The following SLIT3 variants were observed in gnomAD, a reference collection of about 807,000 sequenced individuals.
SLIT3 encodes the protein slit homolog 3 protein.
In SLIT3, 68 loss-of-function variants were observed where a neutral mutation model predicts 184.0. The ratio of observed to expected loss-of-function variants is 0.37; its 90% confidence interval spans 0.30 to 0.45. The LOEUF is 0.45. Ranked by LOEUF, SLIT3 falls within the 20% of genes least tolerant of loss-of-function variation. The probability of loss-of-function intolerance (pLI) is 1.00; values close to 1 mark genes in which losing one functional copy is unlikely to be tolerated. For missense variants in SLIT3, 1,707 were observed against 2,026.0 expected, an observed-to-expected ratio of 0.84 and a Z score of 3.02; for synonymous variants, 831 against 828.6, an observed-to-expected ratio of 1.00 and a Z score of -0.05.
intron 5 of SLIT3, among the ~76,000 whole-genome samples, chr5:168,874,635 A>G (rs1489424635): frequency 2.6e-5 from 4 of 152,224 alleles, no homozygotes; most frequent in Non-Finnish European, 4.4e-5. Context: ...ATCTTGGCCT[A>G]GAAGAAATTC....
chr5:169,236,668 C>T lies in SLIT3; in HGVS notation c.341+8037G>A, dbSNP rs540275266. On this transcript the variant is annotated intron_variant, in intron 3 of 35. Transcript: ENST00000519560. ...TGTATTTTTAGTAGAGACGGGTTTT[C>T]GCCATGTTAGCCAGGATGGTCTCAA... 1.4e-4 allele frequency among the ~76,000 whole-genome samples: 22 copies of T among 152,058 alleles called. No homozygotes were observed. In the East Asian group the frequency reaches 2.9e-3, roughly 20 times the overall value.
At position 169,185,837 on chromosome 5, in the gene SLIT3, A is replaced by C. The variant is rs1400035268; in HGVS notation, c.413+7642T>G. On this transcript the variant is annotated intron_variant, in intron 4 of 35. Transcript: ENST00000519560. ...CTTTAGTTAGTAACTTCTCCAAAGT[A>C]CAGTACAGGAATCACGGTTAGGAAT... Among the ~76,000 whole-genome samples, 3 of 152,316 alleles carry C rather than the reference A, an allele frequency of 2.0e-5. No homozygotes were observed. In the East Asian group the frequency reaches 5.8e-4, roughly 29 times the overall value.
chr5:168,861,263 C>T (rs1190215718), intron 5 of SLIT3, among the ~76,000 whole-genome samples: 1 of 152,030 alleles, frequency 6.6e-6, no homozygotes, highest in East Asian at 1.9e-4. Flanking sequence ...CCCATCCCCC[C>T]ATCCCACGAC....
At chr5:168,991,521 T>C (rs1755327890) in intron 4 of SLIT3, among the ~76,000 whole-genome samples, 1 of 152,178 alleles carries the variant, frequency 6.6e-6, no homozygotes, top group South Asian at 2.1e-4. Flanking sequence ...AAACAGTGGC[T>C]TCCCATGTTG....
chr5:168,895,656 C>T (rs891325638), intron 4 of SLIT3, among the ~76,000 whole-genome samples: 12 of 152,162 alleles, frequency 7.9e-5, no homozygotes, highest in African/African-American at 1.9e-4. Flanking sequence ...TATAGAATGA[C>T]GTTTCTCATC....
At chr5:168,970,510 A>AC (rs917064776) in intron 4 of SLIT3, among the ~76,000 whole-genome samples, 6 of 151,776 alleles carry the variant, frequency 4.0e-5, no homozygotes, top group African/African-American at 9.6e-5. Context: ...AAAAAAAAAA[A>AC]AAAAACAAAG....
chr5:169,077,344 T>A (rs1381254942), intron 4 of SLIT3, among the ~76,000 whole-genome samples: 1 of 152,034 alleles, frequency 6.6e-6, no homozygotes, highest in Non-Finnish European at 1.5e-5. Context: ...AAGACCAGCC[T>A]GGCCAAGATG....
chr5:169,217,220 G>A (rs1283771192), intron 3 of SLIT3, among the ~76,000 whole-genome samples: 2 of 151,970 alleles, frequency 1.3e-5, no homozygotes, highest in African/African-American at 2.4e-5. Context: ...AGCCAAGGGT[G>A]TGAATAAATT....
Position 168,774,369 on chromosome 5 carries a change from A to G in SLIT3, c.1161T>C (p.Asn387=). Residue 387 remains asparagine, a synonymous_variant, in exon 13 of 36, where the codon AAT becomes AAC. Coordinates refer to ENST00000519560, the MANE Select transcript of SLIT3 (RefSeq NM_003062.4). ...CCCGCAGGCAGTTGATCTTGTTGGC[A>G]TTGAGGAGGCTGCAAACAGAAGAGA... ...GLVSLQLLLL[N]ANKINCLRVN... The G allele has an allele frequency of 6.2e-7, 1 of 1,611,734 alleles. No individual in the cohort carries two copies. Among genetic ancestry groups the G allele is most frequent in the Non-Finnish European group, 8.5e-7 (1 of 1,179,122 alleles).
In SLIT3 at chr5:168,777,095, ACACACACACACC is replaced by A. The variant is rs1170707885; in HGVS notation, c.1152-2729_1152-2718del. 6.7e-3 allele frequency among the ~76,000 whole-genome samples: 859 copies of A among 129,134 alleles called. 8 individuals carry two copies. Among genetic ancestry groups the A allele is most frequent in the African/African-American group, 0.031 (708 of 23,202 alleles). The allele number at this position is 129,134 out of a possible 152,430, so 84.7% of individuals were successfully genotyped here. A position where few individuals can be genotyped will look rare whatever the true frequency, so the allele number is the denominator to read the frequency against. Reference sequence around the variant, plus strand: ...CACACACACACACACACACACACACACACACACACACCCCCCATACCACACCACACCACATCA... The same window carrying A: ...CACACACACACACACACACACACACACCCCATACCACACCACACCACATCA... On this transcript the variant is annotated intron_variant, in intron 12 of 35. Transcript: ENST00000519560.
intron 4 of SLIT3, among the ~76,000 whole-genome samples, chr5:169,174,945 C>A (rs1027990598): frequency 1.5e-5 from 1 of 65,708 alleles, no homozygotes; most frequent in Non-Finnish European, 3.0e-5. Flanking sequence ...ACCCTTTGCT[C>A]TTTTCACAAC....
intron 16 of SLIT3, among the ~76,000 whole-genome samples, chr5:168,760,650 T>C (rs1040584144): frequency 6.6e-5 from 10 of 152,158 alleles, no homozygotes; most frequent in African/African-American, 2.4e-4. Flanking sequence ...ATGCTCGCTC[T>C]GTATAACACT....
In SLIT3 at chr5:169,300,882, CGGG is replaced by C; in HGVS notation, c.-176_-174del. 2.2e-6 allele frequency: 1 copy of C among 450,132 alleles called. No homozygotes were observed. The highest frequency in any genetic ancestry group is 3.3e-6 in the Non-Finnish European group (1 of 300,666). The allele number at this position is 450,132 out of a possible 1,614,324, so 27.9% of individuals were successfully genotyped here. On this transcript the variant is annotated 5_prime_UTR_variant, in exon 1 of 36. Transcript: ENST00000519560. This position sits in a 1 kb window ranked among gnomAD's most constrained non-coding sequence, Gnocchi z 4.1. ...GGGGCGCGGGCGGAGCGGGGCGCTC[CGGG>C]CGGCGGCGGCGGCAGCAACAGCAGC...
intron 13 of SLIT3, 114 bp downstream of exon 13, chr5:168,774,121 C>G: frequency 9.6e-7 from 1 of 1,045,974 alleles, no homozygotes; most frequent in Non-Finnish European, 1.4e-6. Flanking sequence ...CCTGCAGGCT[C>G]TAGAACTCCT....
chr5:168,753,183 T>C (rs1250190975), intron 17 of SLIT3, 85 bp from the exon 18 acceptor site: 8 of 1,426,294 alleles, frequency 5.6e-6, no homozygotes, highest in South Asian at 1.3e-5. Flanking sequence ...TGTGTGTGTA[T>C]AGGTGAGATG....
At chr5:169,207,370 TACACACACACACAC>T (rs56721949) in intron 3 of SLIT3, among the ~76,000 whole-genome samples, 12 of 131,864 alleles carry the variant, frequency 9.1e-5, no homozygotes, top group South Asian at 5.4e-4. Context: ...TACACATACA[TACACACACACACAC>T]ACACACACAC....
chr5:169,222,616 T>C (rs2113533939), intron 3 of SLIT3, among the ~76,000 whole-genome samples: 1 of 152,294 alleles, frequency 6.6e-6, no homozygotes. Flanking sequence ...ACCTCAGTTT[T>C]TGGTTCAAGT....
At chr5:169,296,908 G>GT (rs1273472601) in intron 1 of SLIT3, among the ~76,000 whole-genome samples, 1 of 152,246 alleles carries the variant, frequency 6.6e-6, no homozygotes, top group Non-Finnish European at 1.5e-5. Context: ...GCAGTGAGAA[G>GT]TGGGCCTCTG....
chr5:168,810,378 G>A (rs1757121182), intron 8 of SLIT3, among the ~76,000 whole-genome samples: 1 of 152,218 alleles, frequency 6.6e-6, no homozygotes, highest in African/African-American at 2.4e-5. Flanking sequence ...GGCAAGGAAG[G>A]TGGCCTTAAC....
Sources: gnomAD v4.1 joint callset for allele counts (sites outside exome capture counted in the v4.1 genomes callset) on GRCh38, gnomAD v4.1.1 for gene constraint, Gnocchi (gnomAD v3.1) non-coding constraint, MANE v1.5 for transcripts, NCBI Gene and HGNC (gene_info 2026-07-23, HGNC 2026-07-21) for gene names.